Variants in NFX1 observed in about 807,000 individuals in gnomAD.
The protein encoded by NFX1 is transcriptional repressor NF-X1.
Under a neutral mutation model 137.2 loss-of-function variants are expected in NFX1, and 69 were observed. The ratio of observed to expected loss-of-function variants is 0.50; its 90% CI spans 0.41 to 0.61. NFX1 has a LOEUF of 0.61. NFX1 is among the 20% of genes least tolerant of loss of function. The pLI, the probability that NFX1 is intolerant of heterozygous loss-of-function variation, is 0.00. For synonymous variants in NFX1, 495 were observed against 474.1 expected, an observed-to-expected ratio of 1.04 and a Z score of -0.57; for missense variants, 1,167 against 1,391.0, an observed-to-expected ratio of 0.84 and a Z score of 2.56.
intron 7 of NFX1, among the ~76,000 whole-genome samples, chr9:33,317,584 A>G (rs1462479152): frequency 6.6e-6 from 1 of 151,322 alleles, no homozygotes; most frequent in African/African-American, 2.4e-5. Context: ...TAATCCCAGC[A>G]CTTTGGGAGG....
chr9:33,363,013 G>T (rs138155460), intron 19 of NFX1, among the ~76,000 whole-genome samples: 7 of 151,364 alleles, frequency 4.6e-5, no homozygotes, highest in Non-Finnish European at 1.0e-4. Flanking sequence ...CTAAGTTCTC[G>T]TGTTCTATGG....
At chr9:33,359,355 T>G (rs112206321) in intron 19 of NFX1, among the ~76,000 whole-genome samples, 2,517 of 152,192 alleles carry the variant, frequency 0.017, 75 homozygotes, top group African/African-American at 0.057. Flanking sequence ...TCCCAGCACT[T>G]TGGGAGACTG....
At chr9:33,368,906 C>G (rs1222951308) in intron 23 of NFX1, among the ~76,000 whole-genome samples, 1 of 152,092 alleles carries the variant, frequency 6.6e-6, no homozygotes, top group Non-Finnish European at 1.5e-5. Flanking sequence ...TCCTGGGAGC[C>G]AGGTGTCCTA....
chr9:33,319,922 T>C (rs1304580618), intron 9 of NFX1, among the ~76,000 whole-genome samples: 1 of 152,088 alleles, frequency 6.6e-6, no homozygotes, highest in Middle Eastern at 3.2e-3. Flanking sequence ...ATAGCACCTA[T>C]TGAACATCAT....
rs181836176 is a variant in NFX1 at position 33,364,601 on chromosome 9, T to C, written c.2973-107T>C. On this transcript the variant is annotated intron_variant, in intron 20 of 23. Transcript: ENST00000379540. ...TGACAATTCCTGATCTCTGCAGTTTTACTGCCAGCATTGTCTATTGTCTAC... is the reference window on the plus strand; with the variant it reads ...TGACAATTCCTGATCTCTGCAGTTTCACTGCCAGCATTGTCTATTGTCTAC... 1.2e-5 allele frequency: 15 copies of C among 1,294,598 alleles called. No homozygotes were observed. The African/African-American group carries it at 1.8e-4, about 16-fold the overall frequency. The allele number at this position is 1,294,598 out of a possible 1,614,324, so 80.2% of individuals were successfully genotyped here. A position where few individuals can be genotyped will look rare whatever the true frequency, so the allele number is the denominator to read the frequency against.
intron 1 of NFX1, among the ~76,000 whole-genome samples, chr9:33,292,197 T>G (rs1821187138): frequency 6.6e-6 from 1 of 152,242 alleles, no homozygotes; most frequent in South Asian, 2.1e-4. Flanking sequence ...AGAAAGTATC[T>G]AATGAGGCAA....
Position 33,313,672 on chromosome 9 carries a change from T to A in NFX1, c.1467T>A (p.Gly489=). ...CGRTRHTVRC[G]QAVSVHCSNP... ...TTTACAGGCACACAGTTCGCTGTGG[T>A]CAGGCTGTCTCAGTCCACTGTTCTA... The change falls in exon 7 of 24, where the codon GGT becomes GGA. Residue 489 remains glycine (G), a synonymous_variant. Transcript: ENST00000379540. 1 of 1,614,166 alleles carries A rather than the reference T, an allele frequency of 6.2e-7. No individual in the cohort carries two copies. The highest frequency in any genetic ancestry group is 1.1e-5 in the South Asian group (1 of 91,076).
intron 11 of NFX1, among the ~76,000 whole-genome samples, chr9:33,337,416 A>G (rs1823047263): frequency 6.6e-6 from 1 of 152,206 alleles, no homozygotes; most frequent in South Asian, 2.1e-4. Flanking sequence ...GTGGATTTTG[A>G]TATCCAAGGG....
At chr9:33,298,134 G>A (rs564240024) in intron 2 of NFX1, among the ~76,000 whole-genome samples, 1 of 152,336 alleles carries the variant, frequency 6.6e-6, no homozygotes, top group South Asian at 2.1e-4. Flanking sequence ...TAATATGTCA[G>A]GTGGTGATAA....
Position 33,294,654 on chromosome 9 carries a change from T to A in NFX1, c.260T>A (p.Phe87Tyr), listed in dbSNP as rs1051955423. The A allele has an allele frequency of 1.2e-6, 2 of 1,614,066 alleles. No homozygotes were observed. The highest frequency in any genetic ancestry group is 2.7e-5 in the African/African-American group (2 of 74,920). ...AAACCTAAGAGTCAGCAGACGTCTT[T>A]CCAGTCCTCTCCTTGTAATAAATCG... is the stretch of plus-strand genomic sequence containing the variant. ...GSKPKSQQTS[F>Y]QSSPCNKSPK... Residue 87 changes from phenylalanine (F) to tyrosine (Y), a missense_variant, in exon 2 of 24, where the codon TTC becomes TAC. By Grantham distance (22) the Phe-to-Tyr change is conservative. This residue lies in a region of NFX1 where 367 missense variants were observed against 386.7 expected (regional missense o/e 0.95). Coordinates refer to ENST00000379540, the MANE Select transcript of NFX1 (RefSeq NM_002504.6).
At chr9:33,305,221 G>A (rs1340361454) in intron 4 of NFX1, among the ~76,000 whole-genome samples, 1 of 152,240 alleles carries the variant, frequency 6.6e-6, no homozygotes, top group African/African-American at 2.4e-5. Flanking sequence ...AAAGTACTAT[G>A]GGAGATCTTT....
At chr9:33,356,025 T>C (rs1042613146) in intron 19 of NFX1, among the ~76,000 whole-genome samples, 7 of 152,210 alleles carry the variant, frequency 4.6e-5, no homozygotes, top group African/African-American at 1.7e-4. Context: ...TGCTGATTAA[T>C]AGGGTTTATG....
chr9:33,317,178 G>C (rs972958340), intron 7 of NFX1, among the ~76,000 whole-genome samples: 13 of 151,840 alleles, frequency 8.6e-5, no homozygotes, highest in Non-Finnish European at 1.8e-4. Context: ...CAGCACTTTA[G>C]GAGGCCAGGA....
chr9:33,330,932 A>C (rs2118486191), intron 10 of NFX1, among the ~76,000 whole-genome samples: 1 of 152,308 alleles, frequency 6.6e-6, no homozygotes, highest in South Asian at 2.1e-4. Flanking sequence ...TAATCCCAGC[A>C]CTTTGGGAGG....
chr9:33,348,049 G>C (rs1448077860), intron 15 of NFX1: 1 of 152,574 alleles, frequency 6.6e-6, no homozygotes, highest in African/African-American at 2.4e-5. Context: ...GCGGGTGAGG[G>C]ATAAAAAACT....
intron 11 of NFX1, among the ~76,000 whole-genome samples, chr9:33,336,983 TC>T (rs1823029669): frequency 6.6e-6 from 1 of 152,014 alleles, no homozygotes; most frequent in African/African-American, 2.4e-5. Flanking sequence ...GCACCTGTAA[TC>T]CCAGCTACTC....
At chr9:33,307,699 G>C (rs1333512560) in intron 5 of NFX1, among the ~76,000 whole-genome samples, 1 of 152,166 alleles carries the variant, frequency 6.6e-6, no homozygotes, top group Non-Finnish European at 1.5e-5. Context: ...GAATGTATGG[G>C]AGAACCTTCT....
intron 1 of NFX1, among the ~76,000 whole-genome samples, chr9:33,291,595 A>T (rs1406299039): frequency 6.6e-6 from 1 of 152,192 alleles, no homozygotes; most frequent in Non-Finnish European, 1.5e-5. Context: ...TGTATTTATT[A>T]CTATGGTTCT....
At chr9:33,364,834 A>T in intron 21 of NFX1, 60 bp downstream of exon 21, 1 of 1,589,238 alleles carries the variant, frequency 6.3e-7, no homozygotes, top group Non-Finnish European at 8.6e-7. Context: ...AAAAAAAAAA[A>T]GCAATCAAGT....
Sources: allele counts gnomAD v4.1 joint callset (sites outside exome capture counted in the v4.1 genomes callset), GRCh38; gene constraint gnomAD v4.1.1; regional missense constraint gnomAD v4.1.1; transcripts MANE v1.5; gene names NCBI Gene and HGNC (gene_info 2026-07-23, HGNC 2026-07-21).